LNX1: variants seen among roughly 807,000 people sequenced by gnomAD.
The protein encoded by LNX1 is ligand of numb-protein X 1.
Under a neutral mutation model 68.4 loss-of-function variants are expected in LNX1, and 54 were observed. That is an observed-to-expected ratio of 0.79 (90% CI 0.63 to 0.99). LNX1 has a LOEUF of 0.99. LNX1 is among the 50% of genes least tolerant of loss of function. The pLI is 0.00. For missense variants in LNX1, 906 were observed against 926.4 expected, an observed-to-expected ratio of 0.98 and a Z score of 0.29; for synonymous variants, 336 against 350.0, an observed-to-expected ratio of 0.96 and a Z score of 0.45.
chr4:53,574,270 CCT>C (rs1356398418), intron 1 of LNX1, among the ~76,000 whole-genome samples, 182 bp from the exon 2 acceptor site: 38 of 152,216 alleles, frequency 2.5e-4, no homozygotes, highest in Admixed American at 2.5e-3. Context: ...CCTCCTCGTG[CCT>C]CTGTTTTTCC....
intron 1 of LNX1, among the ~76,000 whole-genome samples, chr4:53,588,666 C>T (rs537066590): frequency 6.6e-6 from 1 of 152,282 alleles, no homozygotes; most frequent in South Asian, 2.1e-4. Flanking sequence ...CTGTGAAGTA[C>T]ACCATTTTAG....
intron 2 of LNX1, among the ~76,000 whole-genome samples, chr4:53,609,563 T>C (rs1733385281): frequency 6.8e-6 from 1 of 146,624 alleles, no homozygotes; most frequent in South Asian, 2.1e-4. Flanking sequence ...GTATAAATAA[T>C]ATATAAAATA....
rs138708314 is a variant in LNX1 at position 53,610,355 on chromosome 4, G to A, written c.-215+6162C>T. On this transcript the variant is annotated intron_variant, in intron 2 of 3. Transcript: ENST00000504299. ...AGGGAAATTATTGACCATCTTAAAA[G>A]CCATGAAAGGTCGAACTTTATAACA... Among the ~76,000 whole-genome samples the A allele has an allele frequency of 4.2e-3, 633 of 152,218 alleles. 3 individuals are homozygous for A. Among genetic ancestry groups the A allele is most frequent in the African/African-American group, 0.011 (466 of 41,540 alleles).
intron 8 of LNX1, among the ~76,000 whole-genome samples, chr4:53,478,300 G>T (rs180880974): frequency 6.6e-6 from 1 of 152,064 alleles, no homozygotes. Flanking sequence ...GAGGTAACTT[G>T]CTCATAACTG....
chr4:53,465,758 C>A (rs1424749002), intron 9 of LNX1, among the ~76,000 whole-genome samples: 1 of 152,132 alleles, frequency 6.6e-6, no homozygotes, highest in African/African-American at 2.4e-5. Flanking sequence ...ATGTTGCTAG[C>A]TTTTTTTGAA....
chr4:53,599,147 T>TA (rs1461034287), intron 2 of LNX1, among the ~76,000 whole-genome samples: 1 of 152,188 alleles, frequency 6.6e-6, no homozygotes, highest in Admixed American at 6.5e-5. Context: ...AGGGGGTGTG[T>TA]AAAATAAGGC....
intron 2 of LNX1, among the ~76,000 whole-genome samples, chr4:53,513,849 C>A (rs1265200393): frequency 6.6e-6 from 1 of 152,208 alleles, no homozygotes; most frequent in Non-Finnish European, 1.5e-5. Flanking sequence ...TGGCTCTCCA[C>A]TTTACTAAAG....
chr4:53,567,128 C>T (rs1430485436), intron 2 of LNX1, among the ~76,000 whole-genome samples: 1 of 142,680 alleles, frequency 7.0e-6, no homozygotes, highest in Non-Finnish European at 1.5e-5. Flanking sequence ...TTGAACTCAG[C>T]TCTGCACCAA....
chr4:53,530,885 C>G (rs1369352), intron 2 of LNX1, among the ~76,000 whole-genome samples: 119,108 of 152,098 alleles, frequency 0.78, 47,538 homozygotes, highest in Non-Finnish European at 0.85. Flanking sequence ...AAAATGAGGC[C>G]AGGCATAGTG....
chr4:53,631,493 C>T (rs886494748), intron 1 of LNX1, among the ~76,000 whole-genome samples: 3 of 152,118 alleles, frequency 2.0e-5, no homozygotes, highest in African/African-American at 7.2e-5. Context: ...TTTTCCTCTT[C>T]CTAGGACACT....
At chr4:53,482,640 G>C (rs1251791189) in intron 6 of LNX1, among the ~76,000 whole-genome samples, 3 of 152,218 alleles carry the variant, frequency 2.0e-5, no homozygotes, top group Non-Finnish European at 4.4e-5. Flanking sequence ...TCACTTGTAA[G>C]TGGGAGCTTA....
At chr4:53,563,688 C>G (rs1324846053) in intron 2 of LNX1, among the ~76,000 whole-genome samples, 2 of 152,188 alleles carry the variant, frequency 1.3e-5, no homozygotes, top group African/African-American at 2.4e-5. Flanking sequence ...GCATCTGTCA[C>G]CACGCCTGGT....
At chr4:53,556,634 G>T (rs1729932552) in intron 2 of LNX1, among the ~76,000 whole-genome samples, 1 of 152,206 alleles carries the variant, frequency 6.6e-6, no homozygotes, top group Non-Finnish European at 1.5e-5. Context: ...CCTCAGAGAT[G>T]CTCATGATTC....
upstream of LNX1, among the ~76,000 whole-genome samples, chr4:53,595,199 C>G (rs1732694179): frequency 6.6e-6 from 1 of 152,064 alleles, no homozygotes; most frequent in Non-Finnish European, 1.5e-5. Context: ...ATGGGTGGAA[C>G]AGGAATGATC....
At chr4:53,504,452 T>C (rs887205762) in intron 4 of LNX1, among the ~76,000 whole-genome samples, 1 of 152,238 alleles carries the variant, frequency 6.6e-6, no homozygotes, top group African/African-American at 2.4e-5. Flanking sequence ...TTTAAGGGAA[T>C]GTTGTGGCTG....
intron 4 of LNX1, among the ~76,000 whole-genome samples, chr4:53,501,169 G>T (rs1296882523): frequency 6.6e-6 from 1 of 152,040 alleles, no homozygotes; most frequent in African/African-American, 2.4e-5. Context: ...AGGACTAAAG[G>T]ATATAATCTT....
chr4:53,501,500 G>T (rs1725501043), intron 4 of LNX1, among the ~76,000 whole-genome samples: 4 of 151,962 alleles, frequency 2.6e-5, no homozygotes. Flanking sequence ...CCCCAGGCTG[G>T]TCTCAAACTC....
intron 6 of LNX1, among the ~76,000 whole-genome samples, chr4:53,483,358 G>A (rs2109424293): frequency 6.6e-6 from 1 of 152,292 alleles, no homozygotes; most frequent in East Asian, 1.9e-4. Context: ...AGCAGCATGA[G>A]AGCAGACAAA....
chr4:53,598,314 C>A (rs546612689), intron 2 of LNX1, among the ~76,000 whole-genome samples: 59 of 151,528 alleles, frequency 3.9e-4, no homozygotes, highest in African/African-American at 1.4e-3. Context: ...TTTACTGTAG[C>A]CTTGACCTCC....
Sources: allele counts gnomAD v4.1 joint callset (sites outside exome capture counted in the v4.1 genomes callset), GRCh38; gene constraint gnomAD v4.1.1; transcripts MANE v1.5; gene names NCBI Gene and HGNC (gene_info 2026-07-23, HGNC 2026-07-21).